DNAH9: variants seen among roughly 807,000 people sequenced by gnomAD.
The protein encoded by DNAH9 is DNAH9 variant protein.
Under a neutral mutation model 471.6 loss-of-function variants are expected in DNAH9, and 345 were observed. That is an observed-to-expected ratio of 0.73 (90% CI 0.67 to 0.80). The LOEUF is 0.80. Ranked by LOEUF, DNAH9 falls within the 30% of genes least tolerant of loss-of-function variation. DNAH9 has a pLI of 0.00. For synonymous variants in DNAH9, 2,093 were observed against 2,123.6 expected (o/e 0.99, Z 0.40); for missense variants, 5,407 against 5,609.2 (o/e 0.96, Z 1.15).
At chr17:11,599,217 T>G (rs1484316538) in intron 1 of DNAH9, among the ~76,000 whole-genome samples, 1 of 152,050 alleles carries the variant, frequency 6.6e-6, no homozygotes, top group Non-Finnish European at 1.5e-5. Flanking sequence ...TCAGTCCGGG[T>G]CTGGGTTCCA....
At chr17:11,758,610 C>G (rs1967510818) in intron 35 of DNAH9, among the ~76,000 whole-genome samples, 4 of 152,064 alleles carry the variant, frequency 2.6e-5, no homozygotes, top group Admixed American at 2.6e-4. Context: ...GATTGTGCCT[C>G]CAATGGTTTG....
chr17:11,700,060 T>C (rs780196751), intron 23 of DNAH9, among the ~76,000 whole-genome samples, 177 bp downstream of exon 23: 7 of 152,240 alleles, frequency 4.6e-5, no homozygotes, highest in Non-Finnish European at 5.9e-5. Flanking sequence ...GCTGGCGCCC[T>C]GCTTTCCTCT....
intron 43 of DNAH9, among the ~76,000 whole-genome samples, chr17:11,798,648 G>A (rs911753927): frequency 1.3e-5 from 2 of 151,916 alleles, no homozygotes; most frequent in African/African-American, 4.8e-5. Context: ...GAGACCCATT[G>A]CCAGCGCTCA....
chr17:11,921,574 A>G (rs1230497222), intron 61 of DNAH9, among the ~76,000 whole-genome samples: 1 of 152,166 alleles, frequency 6.6e-6, no homozygotes, highest in African/African-American at 2.4e-5. Context: ...TGAAATCCTG[A>G]GACACTGGAG....
At chr17:11,920,000 A>G (rs1396865976) in intron 61 of DNAH9, among the ~76,000 whole-genome samples, 1 of 151,450 alleles carries the variant, frequency 6.6e-6, no homozygotes, top group Non-Finnish European at 1.5e-5. Flanking sequence ...GCCACTGGGA[A>G]TCGGCAGCAG....
At chr17:11,799,447 A>T (rs1969374429) in intron 43 of DNAH9, among the ~76,000 whole-genome samples, 1 of 150,384 alleles carries the variant, frequency 6.6e-6, no homozygotes, top group Non-Finnish European at 1.5e-5. Context: ...GCTCCTTGCA[A>T]ACTCTGCCTC....
At position 11,708,924 on chromosome 17, in the gene DNAH9, C is replaced by T. The variant is rs191701300; in HGVS notation, c.5552+3739C>T. Reference sequence around the variant, plus strand: ...GCACACAATGGGCACTCAAGAAATACTCCTTGAGTGAATGCAATGAAATGA... The same window carrying T: ...GCACACAATGGGCACTCAAGAAATATTCCTTGAGTGAATGCAATGAAATGA... On this transcript the variant is annotated intron_variant, in intron 26 of 68. Coordinates refer to ENST00000262442, the MANE Select transcript of DNAH9 (RefSeq NM_001372.4). Among the ~76,000 whole-genome samples the T allele has an allele frequency of 5.0e-3, 763 of 152,274 alleles. 6 individuals carry two copies. Among genetic ancestry groups the T allele is most frequent in the African/African-American group, 0.017 (726 of 41,546 alleles).
At chr17:11,656,479 T>C (rs973473639) in intron 14 of DNAH9, among the ~76,000 whole-genome samples, 8 of 152,200 alleles carry the variant, frequency 5.3e-5, no homozygotes, top group African/African-American at 1.9e-4. Flanking sequence ...ACTGTCTATG[T>C]CACTAATTAT....
rs1024113095 is a variant in DNAH9 at position 11,793,602 on chromosome 17, G to A, written c.8161G>A (p.Glu2721Lys). 6.2e-7 allele frequency: 1 copy of A among 1,613,880 alleles called. No homozygotes were observed. Among genetic ancestry groups the A allele is most frequent in the Non-Finnish European group, 8.5e-7 (1 of 1,179,928 alleles). The change falls in exon 42 of 69, where the codon GAA becomes AAA. Residue 2721 changes from glutamate to lysine, a missense_variant. Physicochemically the swap from Glu to Lys is moderately conservative, Grantham distance 56. Around this residue, in one of 3 missense-constraint regions of DNAH9, gnomAD observed 4,636 missense variants for 4,900.3 expected, o/e 0.95. Transcript: ENST00000262442. The stretch of plus-strand genomic sequence containing the variant: ...TCGAGTTTATCGGGATAAGATGGTA[G>A]AAGAAAAGGACTTTGATCTTTTTGA... The part of the protein sequence containing the change: ...SNRVYRDKMV[E>K]EKDFDLFDKI...
intron 32 of DNAH9, among the ~76,000 whole-genome samples, chr17:11,749,172 C>T (rs1261366325): frequency 1.3e-5 from 2 of 149,862 alleles, no homozygotes; most frequent in African/African-American, 4.9e-5. Context: ...GCAAGCTCTG[C>T]CTCCCAGGTT....
At position 11,617,440 on chromosome 17, in the gene DNAH9, C is replaced by T. The variant is rs1325876359; in HGVS notation, c.934C>T (p.His312Tyr). The T allele has an allele frequency of 2.5e-6, 4 of 1,613,982 alleles. No homozygotes were observed. Among genetic ancestry groups the T allele is most frequent in the Non-Finnish European group, 3.4e-6 (4 of 1,179,974 alleles). ...ALAEAQDIHVHLIPLQRHLEA... is the reference protein window; with the variant it reads ...ALAEAQDIHVYLIPLQRHLEA... Reference sequence around the variant, plus strand: ...AGCAGAGGCACAGGACATCCATGTGCACCTGATACCGCTCCAGCGCCACCT... The same window carrying T: ...AGCAGAGGCACAGGACATCCATGTGTACCTGATACCGCTCCAGCGCCACCT... The change falls in exon 5 of 69, where the codon CAC becomes TAC. Residue 312 changes from histidine to tyrosine, a missense_variant. Transcript: ENST00000262442.
intron 49 of DNAH9, among the ~76,000 whole-genome samples, chr17:11,838,688 A>G (rs183812746): frequency 1.3e-5 from 2 of 152,126 alleles, no homozygotes; most frequent in African/African-American, 2.4e-5. Flanking sequence ...TTAACAGTCC[A>G]TCCGTCACCA....
chr17:11,878,578 C>T (rs1972598854), intron 53 of DNAH9, among the ~76,000 whole-genome samples: 1 of 148,200 alleles, frequency 6.7e-6, no homozygotes, highest in Non-Finnish European at 1.5e-5. Context: ...TGTTTTAAGA[C>T]AGGGTCTTAC....
intron 61 of DNAH9, among the ~76,000 whole-genome samples, chr17:11,911,415 T>A (rs1034139596): frequency 3.9e-5 from 6 of 152,228 alleles, no homozygotes; most frequent in African/African-American, 1.4e-4. Context: ...CAAATAACAG[T>A]CTCAATGACT....
chr17:11,745,956 G>A (rs1028758578), intron 31 of DNAH9, among the ~76,000 whole-genome samples: 5 of 152,164 alleles, frequency 3.3e-5, no homozygotes, highest in African/African-American at 1.2e-4. Context: ...ATCAATTTAG[G>A]TTATCCAACA....
chr17:11,874,647 G>A (rs11656422), intron 52 of DNAH9, among the ~76,000 whole-genome samples: 63,356 of 151,836 alleles, frequency 0.42, 13,614 homozygotes, highest in Non-Finnish European at 0.47. Flanking sequence ...GTAGGAGGTC[G>A]TAGATTAAAA....
chr17:11,680,951 A>T, intron 19 of DNAH9, 62 bp downstream of exon 19: 1 of 1,446,998 alleles, frequency 6.9e-7, no homozygotes, highest in Non-Finnish European at 9.4e-7. Flanking sequence ...GTCATGGATA[A>T]TCTTTTTGTG....
chr17:11,644,716 A>G lies in DNAH9; in HGVS notation c.1970+17A>G, dbSNP rs751724213. The G allele has an allele frequency of 4.4e-6, 7 of 1,594,388 alleles. No homozygotes were observed. The South Asian group carries it at 4.4e-5, about 10-fold the overall frequency. On this transcript the variant is annotated intron_variant, in intron 11 of 68. Transcript: ENST00000262442. ...GCTAGAAAAGTAAGCAACTTCTGGC[A>G]TTGCGTGGGTCTGCAGATTGCACAG...
intron 35 of DNAH9, among the ~76,000 whole-genome samples, chr17:11,760,804 C>T (rs368670418): frequency 7.9e-5 from 12 of 152,292 alleles, no homozygotes; most frequent in South Asian, 6.2e-4. Context: ...AGGCGTGAGC[C>T]GCCGCGCCCG....
Sources: allele counts gnomAD v4.1 joint callset (sites outside exome capture counted in the v4.1 genomes callset), GRCh38; gene constraint gnomAD v4.1.1; regional missense constraint gnomAD v4.1.1; transcripts MANE v1.5; gene names NCBI Gene and HGNC (gene_info 2026-07-23, HGNC 2026-07-21).